GRM1: variants seen among roughly 807,000 people sequenced by gnomAD.
GRM1 encodes metabotropic glutamate receptor 1.
GRM1 carries 33 observed loss-of-function variants against 90.9 expected under a neutral mutation model. The observed-to-expected ratio is 0.36, with a 90% CI of 0.28 to 0.49. The LOEUF is 0.49. GRM1 is among the 20% of genes least tolerant of loss of function. The pLI is 0.99. For missense variants in GRM1, 1,190 were observed against 1,534.3 expected, an observed-to-expected ratio of 0.78 and a Z score of 3.75; for synonymous variants, 700 against 613.2, an observed-to-expected ratio of 1.14 and a Z score of -2.09.
rs539021786 is a variant in GRM1 at position 146,278,502 on chromosome 6, G to A, written c.951-26109G>A. Reference sequence around the variant, plus strand: ...TCAATTTTGCTTCTTCCAGCTGGGCGTGATAGCTCACTCCTGTAAACCCAG... The same window carrying A: ...TCAATTTTGCTTCTTCCAGCTGGGCATGATAGCTCACTCCTGTAAACCCAG... On this transcript the variant is annotated intron_variant, in intron 2 of 7. Coordinates refer to ENST00000282753, the MANE Select transcript of GRM1 (RefSeq NM_001278064.2). 2.5e-3 allele frequency among the ~76,000 whole-genome samples: 385 copies of A among 152,288 alleles called. 3 individuals carry two copies. Among genetic ancestry groups the A allele is most frequent in the African/African-American group, 8.0e-3 (332 of 41,558 alleles).
chr6:146,046,808 C>T (rs1282464625), intron 1 of GRM1, among the ~76,000 whole-genome samples: 2 of 151,632 alleles, frequency 1.3e-5, no homozygotes, highest in South Asian at 2.1e-4. Context: ...CAGTTCTTAC[C>T]ATTGTTTTTA....
At chr6:146,407,131 A>C (rs1207796794) in intron 7 of GRM1, among the ~76,000 whole-genome samples, 1 of 152,160 alleles carries the variant, frequency 6.6e-6, no homozygotes, top group African/African-American at 2.4e-5. Context: ...AGGCCCTTAG[A>C]ATACTTTAGA....
At chr6:146,180,219 TAA>T (rs1263054704) in intron 2 of GRM1, among the ~76,000 whole-genome samples, 2 of 136,852 alleles carry the variant, frequency 1.5e-5, no homozygotes, top group Admixed American at 7.2e-5. Flanking sequence ...TTCTTAACTT[TAA>T]GTTTATTTTA....
At chr6:146,409,361 C>A (rs1777476777) in intron 7 of GRM1, among the ~76,000 whole-genome samples, 1 of 152,140 alleles carries the variant, frequency 6.6e-6, no homozygotes, top group South Asian at 2.1e-4. Flanking sequence ...GAGAGAAATA[C>A]TGTCCATGGA....
At chr6:146,125,691 T>C (rs1253384806) in intron 1 of GRM1, among the ~76,000 whole-genome samples, 4 of 152,058 alleles carry the variant, frequency 2.6e-5, no homozygotes, top group Non-Finnish European at 5.9e-5. Context: ...TCTTTTATTC[T>C]TCCCCCCTCC....
At chr6:146,042,543 G>A (rs1339249599) in intron 1 of GRM1, among the ~76,000 whole-genome samples, 2 of 151,986 alleles carry the variant, frequency 1.3e-5, no homozygotes, top group Non-Finnish European at 2.9e-5. Context: ...TCTCTGCGTG[G>A]TGATGTAGTG....
intron 7 of GRM1, among the ~76,000 whole-genome samples, chr6:146,412,398 A>G (rs1214732955): frequency 6.6e-6 from 1 of 152,152 alleles, no homozygotes; most frequent in Non-Finnish European, 1.5e-5. Context: ...AGGAATGTGC[A>G]GTCTTTGGGG....
In GRM1 at chr6:146,399,218, A is replaced by G. The variant is rs1562669152; in HGVS notation, c.2179A>G (p.Met727Val). ...QLTLVVTLII[M>V]EPPMPILSYP... is the part of the protein sequence containing the mutation. ...AACCCTGGTGGTAACCCTGATCATC[A>G]TGGAACCCCCTATGCCCATTCTGTC... Residue 727 changes from methionine to valine, a missense_variant, in exon 7 of 8, where the codon ATG becomes GTG. Transcript: ENST00000282753. This position sits in a 1 kb window ranked among gnomAD's most constrained non-coding sequence, Gnocchi z 5.4. The G allele has an allele frequency of 1.2e-6, 2 of 1,614,030 alleles. No homozygotes were observed. Among genetic ancestry groups the G allele is most frequent in the Non-Finnish European group, 1.7e-6 (2 of 1,179,978 alleles).
At chr6:146,284,407 T>A (rs955539023) in intron 2 of GRM1, among the ~76,000 whole-genome samples, 1 of 152,240 alleles carries the variant, frequency 6.6e-6, no homozygotes, top group Non-Finnish European at 1.5e-5. Flanking sequence ...GAATGTTCTT[T>A]GTGCTGGATT....
intron 2 of GRM1, among the ~76,000 whole-genome samples, chr6:146,298,176 T>C (rs1161471286): frequency 3.3e-5 from 5 of 152,192 alleles, no homozygotes; most frequent in Admixed American, 2.0e-4. Context: ...ATACCTACCC[T>C]CCCTGACTCC....
At chr6:146,131,293 C>T (rs558948166) in intron 1 of GRM1, among the ~76,000 whole-genome samples, 48 of 151,814 alleles carry the variant, frequency 3.2e-4, no homozygotes, top group African/African-American at 1.1e-3. Flanking sequence ...CTTTATTTCC[C>T]GTTTTGTATA....
At chr6:146,089,719 T>C (rs1481878070) in intron 1 of GRM1, among the ~76,000 whole-genome samples, 1 of 152,144 alleles carries the variant, frequency 6.6e-6, no homozygotes, top group Admixed American at 6.6e-5. Flanking sequence ...GAAGCTCTAA[T>C]GATTCACATG....
intron 3 of GRM1, among the ~76,000 whole-genome samples, chr6:146,335,126 G>A (rs376069540): frequency 1.1e-4 from 16 of 152,178 alleles, no homozygotes; most frequent in East Asian, 5.8e-4. Flanking sequence ...AACCCTTCCC[G>A]TTGACTGACA....
intron 1 of GRM1, among the ~76,000 whole-genome samples, chr6:146,081,620 G>A (rs1437366763): frequency 6.6e-6 from 1 of 152,184 alleles, no homozygotes. Flanking sequence ...TGAGCTTTTG[G>A]TAAGTAAGTG....
chr6:146,380,375 C>G (rs947253698), intron 5 of GRM1, among the ~76,000 whole-genome samples: 2 of 148,542 alleles, frequency 1.3e-5, no homozygotes, highest in Non-Finnish European at 3.0e-5. Context: ...ATCAGAGAGC[C>G]CTTTGGCATC....
rs116301433 is a variant in GRM1 at position 146,303,484 on chromosome 6, T to C, written c.951-1127T>C. Among the ~76,000 whole-genome samples, 109 of 152,324 alleles carry C rather than the reference T, an allele frequency of 7.2e-4. 1 individual carries two copies. The highest frequency in any genetic ancestry group is 2.5e-3 in the African/African-American group (105 of 41,570). ...AAATTATTTCTCTGCCTTTTTGAGA[T>C]GTAGATCGTCTAGTTTCTTGCTAAT... On this transcript the variant is annotated intron_variant, in intron 2 of 7. Transcript: ENST00000282753.
At chr6:146,156,483 T>C (rs1222925650) in intron 1 of GRM1, among the ~76,000 whole-genome samples, 1 of 152,218 alleles carries the variant, frequency 6.6e-6, no homozygotes, top group Non-Finnish European at 1.5e-5. Flanking sequence ...GTCTTCCTTC[T>C]TGTGGACCTT....
At chr6:146,179,299 T>C (rs1778454054) in intron 2 of GRM1, among the ~76,000 whole-genome samples, 1 of 152,220 alleles carries the variant, frequency 6.6e-6, no homozygotes, top group South Asian at 2.1e-4. Flanking sequence ...TACTTCATCT[T>C]GACTTTATCT....
At chr6:146,101,492 A>G (rs895602098) in intron 1 of GRM1, among the ~76,000 whole-genome samples, 9 of 152,036 alleles carry the variant, frequency 5.9e-5, no homozygotes, top group African/African-American at 1.9e-4. Context: ...TTCATGGCCA[A>G]TGATTTAGGC....
Sources: gnomAD v4.1 joint callset for allele counts (sites outside exome capture counted in the v4.1 genomes callset) on GRCh38, gnomAD v4.1.1 for gene constraint, Gnocchi (gnomAD v3.1) non-coding constraint, MANE v1.5 for transcripts, NCBI Gene and HGNC (gene_info 2026-07-23, HGNC 2026-07-21) for gene names.